Variants in TRPM3 observed in about 807,000 individuals in gnomAD.
TRPM3 encodes the protein long transient receptor potential channel 3.
TRPM3 carries 77 observed loss-of-function variants against 181.2 expected under a neutral mutation model. The ratio of observed to expected loss-of-function variants is 0.42; its 90% CI spans 0.35 to 0.51. TRPM3 has a LOEUF of 0.51. Among genes scored for constraint, TRPM3 ranks in the 20% least tolerant of loss-of-function variants. The pLI, the probability that TRPM3 is intolerant of heterozygous loss-of-function variation, is 0.01. For missense variants in TRPM3, 1,759 were observed against 2,196.7 expected, an observed-to-expected ratio of 0.80 and a Z score of 3.98; for synonymous variants, 745 against 796.4, an observed-to-expected ratio of 0.94 and a Z score of 1.09.
At position 70,676,787 on chromosome 9, in the gene TRPM3, T is replaced by C. The variant is rs991295592; in HGVS notation, c.1345+4719A>G. Among the ~76,000 whole-genome samples, 131 of 152,132 alleles carry C rather than the reference T, an allele frequency of 8.6e-4. 2 individuals are homozygous for C. Among genetic ancestry groups the C allele is most frequent in the Non-Finnish European group, 7.4e-5 (5 of 67,980 alleles). ...CCCAGAAGCAGACTCAGAAGCGAAG[T>C]TTCTCTTTGATCTTCACCTGCCCTC... On this transcript the variant is annotated intron_variant, in intron 9 of 25. Coordinates refer to ENST00000677713, the MANE Select transcript of TRPM3 (RefSeq NM_001366145.2).
At chr9:71,300,928 C>T (rs1212375579) in intron 1 of TRPM3, among the ~76,000 whole-genome samples, 1 of 152,038 alleles carries the variant, frequency 6.6e-6, no homozygotes, top group Non-Finnish European at 1.5e-5. Flanking sequence ...TTAAGTAGCA[C>T]CTTGAAATTT....
intron 1 of TRPM3, among the ~76,000 whole-genome samples, chr9:71,239,001 C>G (rs748891971): frequency 6.6e-6 from 1 of 152,092 alleles, no homozygotes; most frequent in African/African-American, 2.4e-5. Context: ...CAAAGGTGCA[C>G]ATGACTGTGT....
intron 1 of TRPM3, among the ~76,000 whole-genome samples, chr9:71,203,831 T>A (rs1203333257): frequency 6.6e-6 from 1 of 152,160 alleles, no homozygotes; most frequent in Middle Eastern, 3.2e-3. Context: ...CTGCTTCTCC[T>A]CCTCCTCCAT....
chr9:70,743,328 A>C (rs1422841476), intron 8 of TRPM3, among the ~76,000 whole-genome samples: 1 of 152,294 alleles, frequency 6.6e-6, no homozygotes, highest in East Asian at 1.9e-4. Flanking sequence ...CAACACTACA[A>C]GTAGATATTT....
chr9:71,202,108 T>A (rs2078836938), intron 1 of TRPM3, among the ~76,000 whole-genome samples: 1 of 152,228 alleles, frequency 6.6e-6, no homozygotes, highest in Admixed American at 6.5e-5. Flanking sequence ...AGACCCTGTT[T>A]GCCTGGGTAT....
At chr9:71,087,321 A>G (rs1273726659) in intron 1 of TRPM3, among the ~76,000 whole-genome samples, 1 of 152,054 alleles carries the variant, frequency 6.6e-6, no homozygotes, top group East Asian at 1.9e-4. Context: ...GTGCTTATAC[A>G]GGAAAGTTCA....
At chr9:70,549,754 C>T (rs1364113303) in intron 24 of TRPM3, 80 bp from the exon 25 acceptor site, 5 of 1,452,042 alleles carry the variant, frequency 3.4e-6, no homozygotes, top group Non-Finnish European at 4.6e-6. Context: ...TAGTGACATT[C>T]TCAGTATAAA....
At chr9:70,755,372 CTTT>C (rs778205477) in intron 8 of TRPM3, among the ~76,000 whole-genome samples, 1 of 143,078 alleles carries the variant, frequency 7.0e-6, no homozygotes. Flanking sequence ...ATTCAACATT[CTTT>C]TTTTTTTTTT....
At chr9:70,846,645 G>A (rs1027162340) in intron 3 of TRPM3, 54 bp from the exon 4 acceptor site, 3 of 1,447,064 alleles carry the variant, frequency 2.1e-6, no homozygotes, top group Non-Finnish European at 2.9e-6. Flanking sequence ...GGCTGAGGCT[G>A]GTTATCTTTA....
At chr9:70,978,492 C>T (rs1564890155) in intron 1 of TRPM3, among the ~76,000 whole-genome samples, 2 of 152,180 alleles carry the variant, frequency 1.3e-5, no homozygotes, top group Non-Finnish European at 2.9e-5. Context: ...TACGCTCTTT[C>T]TCTTCCAGCA....
At position 70,686,854 on chromosome 9, in the gene TRPM3, C is replaced by T. The variant is rs1206794123; in HGVS notation, c.1273-5276G>A. Among the ~76,000 whole-genome samples the T allele has an allele frequency of 3.0e-4, 38 of 125,256 alleles. No individual in the cohort carries two copies. In the East Asian group the frequency reaches 9.3e-3, roughly 31 times the overall value. 82.2% of individuals were successfully genotyped at this position (125,256 alleles called of 152,430 possible). A position where few individuals can be genotyped will look rare whatever the true frequency, so the allele number is the denominator to read the frequency against. On this transcript the variant is annotated intron_variant, in intron 8 of 25. Transcript: ENST00000677713. ...TTTTTTTTCTTTTTTGAGACAGGGT[C>T]TCACTCTGTCTCCCAGGCTGGAGTG... is the stretch of plus-strand genomic sequence containing the variant.
At chr9:71,331,733 A>G (rs1232638876) in intron 1 of TRPM3, among the ~76,000 whole-genome samples, 9 of 108,760 alleles carry the variant, frequency 8.3e-5, no homozygotes, top group East Asian at 3.1e-4. Context: ...AAAGGAGGAG[A>G]AAAAGGAGGA....
chr9:70,777,627 C>T (rs893960499), intron 7 of TRPM3, among the ~76,000 whole-genome samples: 5 of 151,380 alleles, frequency 3.3e-5, no homozygotes, highest in Non-Finnish European at 5.9e-5. Context: ...CTCCATGACA[C>T]TTTCTCCATT....
chr9:70,698,213 A>AG (rs2071227328), intron 8 of TRPM3, among the ~76,000 whole-genome samples: 2 of 151,118 alleles, frequency 1.3e-5, no homozygotes, highest in African/African-American at 4.9e-5. Flanking sequence ...GTCTCAAAAA[A>AG]AAAAAAAAAA....
chr9:70,688,276 T>C (rs1363371568), intron 8 of TRPM3, among the ~76,000 whole-genome samples: 2 of 142,178 alleles, frequency 1.4e-5, no homozygotes, highest in Non-Finnish European at 3.0e-5. Context: ...AGACTGCTGA[T>C]GTCACACTCC....
intron 1 of TRPM3, among the ~76,000 whole-genome samples, chr9:70,895,751 AG>A (rs1340759611): frequency 3.3e-5 from 5 of 152,200 alleles, no homozygotes; most frequent in African/African-American, 1.2e-4. Flanking sequence ...GACCTTAGAA[AG>A]TTATAATCTT....
intron 1 of TRPM3, among the ~76,000 whole-genome samples, chr9:71,216,937 CTTTTTTTTTTTTTTTTTTTT>C (rs10536771): frequency 1.4e-5 from 1 of 72,946 alleles, no homozygotes; most frequent in South Asian, 6.3e-4. Flanking sequence ...GTGGCCCTTT[CTTTTTTTTTTTTTTTTTTTT>C]TTTTTTTTTT....
At chr9:70,818,059 A>T (rs2092855724) in intron 6 of TRPM3, among the ~76,000 whole-genome samples, 1 of 152,150 alleles carries the variant, frequency 6.6e-6, no homozygotes, top group Non-Finnish European at 1.5e-5. Flanking sequence ...GGCGTCAGAG[A>T]CATTGGTAAA....
At chr9:71,027,753 G>A (rs919893306) in intron 1 of TRPM3, among the ~76,000 whole-genome samples, 1 of 152,114 alleles carries the variant, frequency 6.6e-6, no homozygotes, top group Non-Finnish European at 1.5e-5. Context: ...AAGACAGTCA[G>A]ACAAGAAGAA....
Sources: gnomAD v4.1 joint callset for allele counts (sites outside exome capture counted in the v4.1 genomes callset) on GRCh38, gnomAD v4.1.1 for gene constraint, MANE v1.5 for transcripts, NCBI Gene and HGNC (gene_info 2026-07-23, HGNC 2026-07-21) for gene names.